Variants in CENPE observed in about 807,000 individuals in gnomAD.
CENPE encodes the protein centromere-associated protein E.
A neutral mutation model predicts 336.1 loss-of-function variants in CENPE; 145 were observed. The ratio of observed to expected loss-of-function variants is 0.43; its 90% CI spans 0.38 to 0.50. The LOEUF (loss-of-function observed/expected upper bound fraction) is 0.50, where lower values mean the gene tolerates loss of function less well. Ranked by LOEUF, CENPE falls within the 20% of genes least tolerant of loss-of-function variation. The pLI is 0.00. For missense variants in CENPE, 2,719 were observed against 3,023.3 expected (o/e 0.90, Z 2.36); for synonymous variants, 1,013 against 984.8 (o/e 1.03, Z -0.54).
intron 29 of CENPE, among the ~76,000 whole-genome samples, 181 bp from the exon 30 acceptor site, chr4:103,146,288 C>A (rs1753050718): frequency 6.6e-6 from 1 of 152,184 alleles, no homozygotes; most frequent in African/African-American, 2.4e-5. Flanking sequence ...AAATTGAGGT[C>A]TCACTGTGTT....
intron 46 of CENPE, among the ~76,000 whole-genome samples, chr4:103,111,767 C>T (rs1045678284): frequency 1.3e-5 from 2 of 151,980 alleles, no homozygotes; most frequent in African/African-American, 4.8e-5. Flanking sequence ...TAAGTTTTCT[C>T]GGTAGGTGCT....
At chr4:103,123,155 T>C in intron 42 of CENPE, 66 bp from the exon 43 acceptor site, 1 of 1,170,300 alleles carries the variant, frequency 8.5e-7, no homozygotes, top group South Asian at 1.3e-5. Flanking sequence ...TTACCTGCAA[T>C]TTTATTTTCC....
intron 42 of CENPE, among the ~76,000 whole-genome samples, chr4:103,125,421 T>C (rs1205690100): frequency 2.0e-5 from 3 of 152,124 alleles, no homozygotes; most frequent in Non-Finnish European, 4.4e-5. Flanking sequence ...CAAATACCAA[T>C]CACTGAAATG....
chr4:103,134,382 C>T (rs1004487419), intron 40 of CENPE, among the ~76,000 whole-genome samples: 2 of 152,084 alleles, frequency 1.3e-5, no homozygotes, highest in Non-Finnish European at 2.9e-5. Flanking sequence ...TGCCTGTAAT[C>T]CCAGCACTTT....
chr4:103,145,365 T>G, intron 31 of CENPE, 31 bp from the exon 32 acceptor site: 1 of 1,428,196 alleles, frequency 7.0e-7, no homozygotes, highest in Non-Finnish European at 9.6e-7. Context: ...AAGTTAATAG[T>G]CATAAAAATA....
Position 103,141,739 on chromosome 4 carries a change from C to T in CENPE, c.5463+11G>A. ...TAGATATCCAATCAAACAATCCCCC[C>T]ATAAAAATACCTTTTCTTGTAATTT... On this transcript the variant is annotated intron_variant, in intron 35 of 48. Coordinates refer to ENST00000265148, the MANE Select transcript of CENPE (RefSeq NM_001813.3). 1.3e-6 allele frequency: 2 copies of T among 1,494,660 alleles called. No individual in the cohort carries two copies. Among genetic ancestry groups the T allele is most frequent in the Non-Finnish European group, 1.8e-6 (2 of 1,091,924 alleles). 92.6% of individuals were successfully genotyped at this position (1,494,660 alleles called of 1,614,324 possible).
At chr4:103,141,956 GT>G (rs1436149985) in intron 34 of CENPE, 48 bp from the exon 35 acceptor site, 1 of 1,151,738 alleles carries the variant, frequency 8.7e-7, no homozygotes, top group African/African-American at 1.6e-5. Context: ...CTTAATATTA[GT>G]TTTTAAAAAA....
Position 103,180,477 on chromosome 4 carries a change from A to G in CENPE, c.1084-8T>C. On this transcript the variant is annotated splice_region_variant and splice_polypyrimidine_tract_variant and intron_variant, in intron 12 of 48. Transcript: ENST00000265148. Reference sequence around the variant, plus strand: ...CCGCGTCTCTAAAGAAACCTATAGAATGCAATATTGGATTATGTTAATAAT... The same window carrying G: ...CCGCGTCTCTAAAGAAACCTATAGAGTGCAATATTGGATTATGTTAATAAT... The G allele has an allele frequency of 6.3e-7, 1 of 1,595,912 alleles. No individual in the cohort carries two copies. Among genetic ancestry groups the G allele is most frequent in the African/African-American group, 1.3e-5 (1 of 74,460 alleles).
At chr4:103,163,285 T>C (rs1359889610) in intron 17 of CENPE, 29 bp from the exon 18 acceptor site, 1 of 1,581,848 alleles carries the variant, frequency 6.3e-7, no homozygotes, top group African/African-American at 1.4e-5. Context: ...AGAGTAACAA[T>C]TTAGAATCTG....
At chr4:103,167,409 A>G (rs1405156301) in intron 16 of CENPE, among the ~76,000 whole-genome samples, 2 of 152,190 alleles carry the variant, frequency 1.3e-5, no homozygotes, top group Non-Finnish European at 2.9e-5. Flanking sequence ...AAGAAACATG[A>G]TTTAACTATT....
At chr4:103,170,608 G>A (rs1234847134) in intron 16 of CENPE, among the ~76,000 whole-genome samples, 2 of 151,990 alleles carry the variant, frequency 1.3e-5, no homozygotes, top group African/African-American at 4.8e-5. Context: ...TATCCAATAA[G>A]GAAGACAGTG....
At position 103,180,461 on chromosome 4, in the gene CENPE, T is replaced by C. The variant is rs140347418; in HGVS notation, c.1092A>G (p.Leu364=). The change falls in exon 13 of 49, where the codon TTA becomes TTG. Residue 364 remains leucine (L), a synonymous_variant. Coordinates refer to ENST00000265148, the MANE Select transcript of CENPE (RefSeq NM_001813.3). ...TTTCCATTGCCTGAGCCCGCGTCTC[T>C]AAAGAAACCTATAGAATGCAATATT... ...DLKKQLEEVS[L]ETRAQAMEKD... 1 of 1,608,950 alleles carries C rather than the reference T, an allele frequency of 6.2e-7. No individual in the cohort carries two copies. Among genetic ancestry groups the C allele is most frequent in the Non-Finnish European group, 8.5e-7 (1 of 1,177,086 alleles).
rs1460434413 is a variant in CENPE at position 103,147,477 on chromosome 4, T to C, written c.4013A>G (p.Gln1338Arg). The C allele has an allele frequency of 6.2e-6, 10 of 1,614,038 alleles. No homozygotes were observed. In the African/African-American group the frequency reaches 1.3e-4, roughly 22 times the overall value. The change falls in exon 29 of 49, where the codon CAA (glutamine) becomes CGA (arginine). Residue 1338 changes from glutamine (Q) to arginine (R), a missense_variant. By Grantham distance (43) the Gln-to-Arg change is conservative. Around this residue, in one of 5 missense-constraint regions of CENPE, gnomAD observed 2,437 missense variants for 2,513.3 expected, o/e 0.97. Coordinates refer to ENST00000265148, the MANE Select transcript of CENPE (RefSeq NM_001813.3). ...AGATTTTATCTCTTCCTGACTTTCT[T>C]GAAATTTTTCATTCAACCTGAGCCT... ...MERLRLNEKFQESQEEIKSLT... is the reference protein window; with the variant it reads ...MERLRLNEKFRESQEEIKSLT...
At position 103,159,328 on chromosome 4, in the gene CENPE, T is replaced by C. The variant is rs987021586; in HGVS notation, c.2287-4A>G. The stretch of plus-strand genomic sequence containing the variant: ...GCTCTTCAGATTTGTCTTGTATCTA[T>C]GGAAAAGAAATAAAATTTAGGGATG... On this transcript the variant is annotated splice_region_variant and splice_polypyrimidine_tract_variant and intron_variant, in intron 21 of 48. Coordinates refer to ENST00000265148, the MANE Select transcript of CENPE (RefSeq NM_001813.3). 3.6e-6 allele frequency: 5 copies of C among 1,407,432 alleles called. No homozygotes were observed. Among genetic ancestry groups the C allele is most frequent in the African/African-American group, 1.5e-5 (1 of 67,674 alleles). The allele number at this position is 1,407,432 out of a possible 1,614,324, so 87.2% of individuals were successfully genotyped here.
chr4:103,163,669 C>T, intron 16 of CENPE, 116 bp from the exon 17 acceptor site: 1 of 492,294 alleles, frequency 2.0e-6, no homozygotes, highest in Non-Finnish European at 3.6e-6. Flanking sequence ...TCAGAATCAC[C>T]CAACAGTTAG....
chr4:103,160,913 C>T, intron 20 of CENPE, 134 bp from the exon 21 acceptor site: 5 of 955,922 alleles, frequency 5.2e-6, no homozygotes, highest in Non-Finnish European at 7.5e-6. Flanking sequence ...GATTTGAAAC[C>T]CATGGAAATC....
At chr4:103,145,796 T>C in intron 30 of CENPE, 33 bp downstream of exon 30, 2 of 1,557,378 alleles carry the variant, frequency 1.3e-6, no homozygotes, top group Non-Finnish European at 1.7e-6. Flanking sequence ...TTACAAAATA[T>C]TTTTTAAAAA....
intron 16 of CENPE, among the ~76,000 whole-genome samples, chr4:103,168,739 G>A (rs1158313135): frequency 6.6e-6 from 1 of 152,124 alleles, no homozygotes; most frequent in Admixed American, 6.5e-5. Flanking sequence ...TCTCATCTGT[G>A]GAATAAGAAC....
chr4:103,154,251 T>C (rs1285269590), intron 24 of CENPE, among the ~76,000 whole-genome samples: 1 of 151,922 alleles, frequency 6.6e-6, no homozygotes, highest in Non-Finnish European at 1.5e-5. Context: ...ATTAGAATTC[T>C]GGTAAATTTA....
Sources: gnomAD v4.1 joint callset for allele counts (sites outside exome capture counted in the v4.1 genomes callset) on GRCh38, gnomAD v4.1.1 for gene constraint, gnomAD v4.1.1 regional missense constraint, MANE v1.5 for transcripts, NCBI Gene and HGNC (gene_info 2026-07-23, HGNC 2026-07-21) for gene names.